POU6F2: variants seen among roughly 807,000 people sequenced by gnomAD.
POU6F2 encodes POU class 6 homeobox 2.
A neutral mutation model predicts 71.3 loss-of-function variants in POU6F2; 31 were observed. That is an observed-to-expected ratio of 0.43 (90% CI 0.33 to 0.59). The LOEUF is 0.59. Among genes scored for constraint, POU6F2 ranks in the 20% least tolerant of loss-of-function variants. POU6F2 has a pLI of 0.04. For missense variants in POU6F2, 783 were observed against 856.8 expected (o/e 0.91, Z 1.07); for synonymous variants, 347 against 355.7 (o/e 0.98, Z 0.27).
chr7:39,033,001 C>T (rs1789979444), intron 1 of POU6F2, among the ~76,000 whole-genome samples: 1 of 152,170 alleles, frequency 6.6e-6, no homozygotes, highest in African/African-American at 2.4e-5. Flanking sequence ...TAGTTACTCC[C>T]GTTCAGTGTC....
chr7:39,294,555 T>C (rs1784815002), intron 4 of POU6F2, among the ~76,000 whole-genome samples: 1 of 151,818 alleles, frequency 6.6e-6, no homozygotes, highest in Non-Finnish European at 1.5e-5. Context: ...CAAAACAAAA[T>C]TTATCTCAGT....
chr7:39,327,811 C>A (rs1047119416), intron 4 of POU6F2, among the ~76,000 whole-genome samples: 5 of 151,010 alleles, frequency 3.3e-5, no homozygotes, highest in Middle Eastern at 3.2e-3. Context: ...TGGACCCCCC[C>A]GCCAATAATA....
At chr7:39,016,363 T>C (rs554640223) in intron 1 of POU6F2, among the ~76,000 whole-genome samples, 2 of 151,610 alleles carry the variant, frequency 1.3e-5, no homozygotes, top group East Asian at 3.9e-4. Context: ...TTCATTGGTT[T>C]AATATGTATT....
At chr7:39,373,908 T>C (rs1786661008) in intron 5 of POU6F2, among the ~76,000 whole-genome samples, 1 of 152,200 alleles carries the variant, frequency 6.6e-6, no homozygotes, top group African/African-American at 2.4e-5. Flanking sequence ...TAATGGATTT[T>C]GAAAAATAAA....
intron 2 of POU6F2, among the ~76,000 whole-genome samples, chr7:39,196,712 T>G (rs999071944): frequency 2.6e-5 from 4 of 150,956 alleles, no homozygotes; most frequent in Non-Finnish European, 5.9e-5. Context: ...TGAGCTGAGA[T>G]CAAGCCACTA....
At chr7:39,181,897 G>T (rs568725925) in intron 2 of POU6F2, among the ~76,000 whole-genome samples, 1 of 152,190 alleles carries the variant, frequency 6.6e-6, no homozygotes, top group African/African-American at 2.4e-5. Flanking sequence ...TGAGCTCTCA[G>T]TTCATTTCCC....
At chr7:39,113,280 TA>T (rs1381567706) in intron 2 of POU6F2, among the ~76,000 whole-genome samples, 1 of 152,098 alleles carries the variant, frequency 6.6e-6, no homozygotes, top group Non-Finnish European at 1.5e-5. Context: ...TACTCTAAGT[TA>T]AATGAATGGA....
chr7:39,135,727 A>G (rs1792376639), intron 2 of POU6F2, among the ~76,000 whole-genome samples: 1 of 152,228 alleles, frequency 6.6e-6, no homozygotes, highest in South Asian at 2.1e-4. Flanking sequence ...AAGCAGAGAA[A>G]AGAAATGAAT....
At chr7:39,092,960 C>G (rs939028849) in intron 2 of POU6F2, among the ~76,000 whole-genome samples, 16 of 151,894 alleles carry the variant, frequency 1.1e-4, no homozygotes, top group Non-Finnish European at 2.4e-4. Context: ...AGATGCATAC[C>G]CCCAAGATCG....
At chr7:39,028,389 C>T (rs1292796256) in intron 1 of POU6F2, among the ~76,000 whole-genome samples, 1 of 151,868 alleles carries the variant, frequency 6.6e-6, no homozygotes, top group Non-Finnish European at 1.5e-5. Context: ...AAATCTTAAC[C>T]CATTTCAACA....
chr7:39,200,859 AAG>A lies in POU6F2; in HGVS notation c.278-3374_278-3373del, dbSNP rs869080508. 4.3e-3 allele frequency among the ~76,000 whole-genome samples: 233 copies of A among 54,324 alleles called. 4 individuals carry two copies. The highest frequency in any genetic ancestry group is 0.012 in the African/African-American group (143 of 11,552). The allele number at this position is 54,324 out of a possible 152,430, so 35.6% of individuals were successfully genotyped here. A position where few individuals can be genotyped will look rare whatever the true frequency, so the allele number is the denominator to read the frequency against. Reference sequence around the variant, plus strand: ...ATGATTTCTGTACCAACAAGAAAAAAAGAAAAAAAAAGAAAAAATTAGCTGGG... The same window carrying A: ...ATGATTTCTGTACCAACAAGAAAAAAAAAAAAAAAGAAAAAATTAGCTGGG... On this transcript the variant is annotated intron_variant, in intron 2 of 9. Coordinates refer to ENST00000518318, the MANE Select transcript of POU6F2 (RefSeq NM_001370959.1).
rs2115693937 is a variant in POU6F2, at chr7:39,356,969, T to C, written c.972+16954T>C. 2.0e-5 allele frequency among the ~76,000 whole-genome samples: 3 copies of C among 152,330 alleles called. No individual in the cohort carries two copies. The South Asian group carries it at 6.2e-4, about 32-fold the overall frequency. On this transcript the variant is annotated intron_variant, in intron 5 of 9. Coordinates refer to ENST00000518318, the MANE Select transcript of POU6F2 (RefSeq NM_001370959.1). ...GACCATCATTTTCTAATTAATCTGT[T>C]TCCTTTTCCCTACCATCTCAATAAC...
intron 1 of POU6F2, among the ~76,000 whole-genome samples, chr7:38,997,777 C>T (rs1044440346): frequency 6.6e-6 from 1 of 152,134 alleles, no homozygotes; most frequent in Admixed American, 6.5e-5. Context: ...ACTGATGGCA[C>T]GTATGGGTAT....
intron 4 of POU6F2, among the ~76,000 whole-genome samples, chr7:39,306,883 C>T (rs1437303544): frequency 1.3e-5 from 2 of 152,188 alleles, no homozygotes; most frequent in African/African-American, 2.4e-5. Flanking sequence ...TTTCCATCCA[C>T]GTTAGGATTA....
At chr7:39,363,511 A>G (rs1786434879) in intron 5 of POU6F2, among the ~76,000 whole-genome samples, 1 of 151,680 alleles carries the variant, frequency 6.6e-6, no homozygotes, top group East Asian at 1.9e-4. Flanking sequence ...CAAGTTCATC[A>G]GTGTACTGCT....
In POU6F2 at chr7:39,174,656, C is replaced by T. The variant is rs548853475; in HGVS notation, c.278-29579C>T. Among the ~76,000 whole-genome samples the T allele has an allele frequency of 1.1e-4, 17 of 152,206 alleles. No individual in the cohort carries two copies. The South Asian group carries it at 3.1e-3, about 28-fold the overall frequency. Reference sequence around the variant, plus strand: ...GCTTGTCCCCTCTCTCCTCAGTCTTCACCTGATCACTCACCTGATCTCCTC... The same window carrying T: ...GCTTGTCCCCTCTCTCCTCAGTCTTTACCTGATCACTCACCTGATCTCCTC... On this transcript the variant is annotated intron_variant, in intron 2 of 9. Transcript: ENST00000518318.
chr7:39,218,222 G>A (rs2128747903), intron 4 of POU6F2, among the ~76,000 whole-genome samples: 1 of 152,262 alleles, frequency 6.6e-6, no homozygotes, highest in African/African-American at 2.4e-5. Context: ...GGAAAAGACT[G>A]TGTTTGAAAT....
At chr7:39,262,386 G>A (rs1386229417) in intron 4 of POU6F2, among the ~76,000 whole-genome samples, 1 of 152,144 alleles carries the variant, frequency 6.6e-6, no homozygotes, top group East Asian at 1.9e-4. Flanking sequence ...AGTCCCAGCA[G>A]ATGCTTACTG....
At chr7:39,246,122 A>C (rs757116140) in intron 4 of POU6F2, among the ~76,000 whole-genome samples, 3 of 152,176 alleles carry the variant, frequency 2.0e-5, no homozygotes, top group Non-Finnish European at 4.4e-5. Flanking sequence ...CTACCTTTTA[A>C]AATTGTCTCA....
Sources: allele counts gnomAD v4.1 joint callset (sites outside exome capture counted in the v4.1 genomes callset), GRCh38; gene constraint gnomAD v4.1.1; transcripts MANE v1.5; gene names NCBI Gene and HGNC (gene_info 2026-07-23, HGNC 2026-07-21).